CHAF1B: variants seen among roughly 807,000 people sequenced by gnomAD.
The protein encoded by CHAF1B is chromatin assembly factor 1 subunit B, also known as CAF-1 subunit B.
CHAF1B carries 10 observed loss-of-function variants against 60.7 expected under a neutral mutation model. The observed-to-expected ratio is 0.16, with a 90% CI of 0.10 to 0.28. CHAF1B has a LOEUF of 0.28. CHAF1B is among the 10% of genes least tolerant of loss of function. The pLI, the probability that CHAF1B is intolerant of heterozygous loss-of-function variation, is 1.00. For synonymous variants in CHAF1B, 261 were observed against 266.1 expected (o/e 0.98, Z 0.19); for missense variants, 558 against 708.4 (o/e 0.79, Z 2.41).
chr21:36,386,617 A>C (rs949927284), intron 2 of CHAF1B, among the ~76,000 whole-genome samples: 1 of 152,200 alleles, frequency 6.6e-6, no homozygotes, highest in Non-Finnish European at 1.5e-5. Flanking sequence ...GAATGAATGA[A>C]TTAACGTATG....
At chr21:36,387,820 CTTTTT>C in intron 3 of CHAF1B, 90 bp downstream of exon 3, 6 of 1,124,676 alleles carry the variant, frequency 5.3e-6, no homozygotes, top group Non-Finnish European at 6.2e-6. Flanking sequence ...GCTGGATATG[CTTTTT>C]TTTTTTTTTT....
intron 3 of CHAF1B, among the ~76,000 whole-genome samples, chr21:36,389,467 A>G (rs1272188531): frequency 6.6e-6 from 1 of 151,918 alleles, no homozygotes; most frequent in Non-Finnish European, 1.5e-5. Context: ...TTAGCTGGGC[A>G]TGGTGGTGCG....
intron 8 of CHAF1B, among the ~76,000 whole-genome samples, chr21:36,408,381 T>C (rs906031590): frequency 2.0e-5 from 3 of 151,808 alleles, no homozygotes; most frequent in Non-Finnish European, 2.9e-5. Context: ...ATCCAGGAAA[T>C]AGAGATGAGG....
Position 36,402,860 on chromosome 21 carries a change from C to T in CHAF1B, c.757+9C>T, listed in dbSNP as rs199888379. On this transcript the variant is annotated intron_variant, in intron 8 of 13. Coordinates refer to ENST00000314103, the MANE Select transcript of CHAF1B (RefSeq NM_005441.3). ...TTTGCTTCTCACGCCAGGTGTGTTT[C>T]GTAGCTTTGGACTTAAAGGAATGAT... 96 of 1,609,074 alleles carry T rather than the reference C, an allele frequency of 6.0e-5. No individual in the cohort carries two copies. In the East Asian group the frequency reaches 7.1e-4, roughly 12 times the overall value.
intron 9 of CHAF1B, 36 bp from the exon 10 acceptor site, chr21:36,409,338 C>G: frequency 6.5e-7 from 1 of 1,540,502 alleles, no homozygotes. Context: ...TGCTTAGTCA[C>G]AGTGCCTTTT....
chr21:36,387,991 T>G (rs2086048850), intron 3 of CHAF1B, among the ~76,000 whole-genome samples: 1 of 151,506 alleles, frequency 6.6e-6, no homozygotes, highest in Non-Finnish European at 1.5e-5. Context: ...GCTAGTTTTT[T>G]TGTGTGTTTT....
At chr21:36,405,819 T>A (rs2086233862) in intron 8 of CHAF1B, among the ~76,000 whole-genome samples, 1 of 152,166 alleles carries the variant, frequency 6.6e-6, no homozygotes, top group South Asian at 2.1e-4. Flanking sequence ...TCTGAACAAA[T>A]GGAAAGATAT....
intron 10 of CHAF1B, among the ~76,000 whole-genome samples, chr21:36,410,550 G>T (rs535412302): frequency 2.6e-5 from 4 of 152,012 alleles, no homozygotes; most frequent in Admixed American, 1.3e-4. Flanking sequence ...TCTTCTGCAT[G>T]CTCTGCCCTT....
intron 1 of CHAF1B, among the ~76,000 whole-genome samples, chr21:36,385,675 C>T (rs1459484052): frequency 6.6e-6 from 1 of 151,822 alleles, no homozygotes; most frequent in Non-Finnish European, 1.5e-5. Flanking sequence ...AGGCGGGGTT[C>T]TCCTCTCGCC....
intron 8 of CHAF1B, among the ~76,000 whole-genome samples, chr21:36,405,506 A>G (rs1216845877): frequency 2.0e-5 from 3 of 152,034 alleles, no homozygotes; most frequent in African/African-American, 7.2e-5. Context: ...GGCCCACTGC[A>G]TCAGCCTTGA....
At chr21:36,408,960 T>A (rs2086257200) in intron 9 of CHAF1B, 130 bp downstream of exon 9, 2 of 610,320 alleles carry the variant, frequency 3.3e-6, no homozygotes, top group Non-Finnish European at 5.9e-6. Context: ...GTTCAAGTGA[T>A]TCTCCTGCCT....
At chr21:36,392,069 G>GTGAACAAGGGTCTC (rs2086094536) in intron 4 of CHAF1B, among the ~76,000 whole-genome samples, 1 of 151,952 alleles carries the variant, frequency 6.6e-6, no homozygotes, top group African/African-American at 2.4e-5. Flanking sequence ...AGAGGACCCA[G>GTGAACAAGGGTCTC]TGGCCTTCCG....
intron 12 of CHAF1B, 64 bp downstream of exon 12, chr21:36,413,379 C>G (rs1029608057): frequency 1.1e-4 from 153 of 1,450,420 alleles, no homozygotes; most frequent in Non-Finnish European, 1.3e-4. Context: ...CAGAACGCTC[C>G]CACCCTGCTG....
Position 36,416,361 on chromosome 21 carries a change from C to G in CHAF1B, c.1675C>G (p.Pro559Ala), listed in dbSNP as rs1286370939. 4 of 1,613,502 alleles carry G rather than the reference C, an allele frequency of 2.5e-6. No individual in the cohort carries two copies. Among genetic ancestry groups the G allele is most frequent in the Non-Finnish European group, 2.5e-6 (3 of 1,179,736 alleles). Residue 559 changes from proline (P) to alanine (A), a missense_variant, in exon 14 of 14, where the codon CCT becomes GCT. Transcript: ENST00000314103. ...CAAAGGAGGCACGGAAAGTCTGGACCCTTGATGGGACCTCGGCTTCTGCTC... is the reference window on the plus strand; with the variant it reads ...CAAAGGAGGCACGGAAAGTCTGGACGCTTGATGGGACCTCGGCTTCTGCTC... The part of the protein sequence containing the change: ...ENKGGTESLD[P>A]
chr21:36,386,184 G>A lies in CHAF1B; in HGVS notation c.48G>A (p.Val16=). ...CEIAWHNKEP[V]YSLDFQHGTA... ...TAGCCTGGCACAACAAGGAGCCCGT[G>A]TACAGCCTGGACTTCCAGCATGGGA... is the stretch of plus-strand genomic sequence containing the variant. Residue 16 remains valine (V), a synonymous_variant, in exon 2 of 14, where the codon GTG becomes GTA. Transcript: ENST00000314103. 6.2e-7 allele frequency: 1 copy of A among 1,614,222 alleles called. No homozygotes were observed. The highest frequency in any genetic ancestry group is 8.5e-7 in the Non-Finnish European group (1 of 1,180,036).
At chr21:36,412,720 T>C in intron 11 of CHAF1B, 164 bp from the exon 12 acceptor site, 1 of 663,816 alleles carries the variant, frequency 1.5e-6, no homozygotes, top group Non-Finnish European at 2.5e-6. Flanking sequence ...CAAATCGCGA[T>C]GAAACTGCAT....
intron 4 of CHAF1B, among the ~76,000 whole-genome samples, chr21:36,392,525 C>T (rs1449729100): frequency 4.0e-5 from 6 of 151,404 alleles, no homozygotes; most frequent in African/African-American, 7.3e-5. Context: ...CCCCACCTCC[C>T]GGACGGGGCA....
rs766768506 is a variant in CHAF1B, at chr21:36,413,075, G to A, written c.1253G>A (p.Gly418Glu). 6.2e-7 allele frequency: 1 copy of A among 1,614,100 alleles called. No individual in the cohort carries two copies. The highest frequency in any genetic ancestry group is 1.1e-5 in the South Asian group (1 of 91,072). The part of the protein sequence containing the change: ...GSSPGPRPVE[G>E]TPASRTQDPS... ...TCGCCAGGACCCAGACCGGTAGAGGGAACCCCTGCCAGCAGAACCCAAGAC... is the reference window on the plus strand; with the variant it reads ...TCGCCAGGACCCAGACCGGTAGAGGAAACCCCTGCCAGCAGAACCCAAGAC... Residue 418 changes from glycine (G) to glutamate (E), a missense_variant, in exon 12 of 14, where the codon GGA becomes GAA. Gly to Glu is a moderately conservative substitution (Grantham distance 98). Around this residue, in one of 2 missense-constraint regions of CHAF1B, gnomAD observed 233 missense variants for 214.9 expected, o/e 1.08. Transcript: ENST00000314103.
chr21:36,396,003 G>T (rs564240100), intron 5 of CHAF1B, among the ~76,000 whole-genome samples: 250 of 147,152 alleles, frequency 1.7e-3, no homozygotes, highest in Non-Finnish European at 2.2e-3. Flanking sequence ...GTTTTGTGTG[G>T]TTTTTTTTTT....
Sources: allele counts gnomAD v4.1 joint callset (sites outside exome capture counted in the v4.1 genomes callset), GRCh38; gene constraint gnomAD v4.1.1; regional missense constraint gnomAD v4.1.1; transcripts MANE v1.5; gene names NCBI Gene and HGNC (gene_info 2026-07-23, HGNC 2026-07-21).